RNF212: variants seen among roughly 807,000 people sequenced by gnomAD.
The protein encoded by RNF212 is probable E3 SUMO-protein ligase RNF212.
A neutral mutation model predicts 34.7 loss-of-function variants in RNF212; 33 were observed. That is an observed-to-expected ratio of 0.95 (90% confidence interval 0.72 to 1.27). The LOEUF is 1.27. Among genes scored for constraint, RNF212 ranks in the 50% most tolerant of loss-of-function variants. The pLI is 0.00. For synonymous variants in RNF212, 140 were observed against 136.1 expected (o/e 1.03, Z -0.20); for missense variants, 377 against 362.2 (o/e 1.04, Z -0.33).
chr4:1,108,344 T>A lies in RNF212; in HGVS notation c.170A>T (p.His57Leu), dbSNP rs374134594. 2.0e-4 allele frequency: 296 copies of A among 1,505,930 alleles called. No homozygotes were observed. The highest frequency in any genetic ancestry group is 2.4e-4 in the Non-Finnish European group (267 of 1,134,962). 93.3% of individuals were successfully genotyped at this position (1,505,930 alleles called of 1,614,324 possible). ...CAGATACGACACATTTCAACTTACATGCTTTGAAAGCAAAACTGTACGACA... is the reference window on the plus strand; with the variant it reads ...CAGATACGACACATTTCAACTTACAAGCTTTGAAAGCAAAACTGTACGACA... The part of the protein sequence containing the change: ...APCRTVLLSK[H>L]TDADIQAFFM... The change falls in exon 2 of 10, where the codon CAT becomes CTT. Residue 57 changes from histidine to leucine, a missense_variant and splice_region_variant. His to Leu is a moderately conservative substitution (Grantham distance 99). Coordinates refer to ENST00000433731, the MANE Select transcript of RNF212 (RefSeq NM_001131034.4).
intron 3 of RNF212, among the ~76,000 whole-genome samples, chr4:1,061,812 A>G (rs1359508057): frequency 6.6e-6 from 1 of 152,204 alleles, no homozygotes; most frequent in Non-Finnish European, 1.5e-5. Flanking sequence ...CCAATCAAAC[A>G]ACCTTGGATA....
intron 2 of RNF212, among the ~76,000 whole-genome samples, 173 bp from the exon 3 acceptor site, chr4:1,097,012 C>T (rs1361717661): frequency 1.3e-5 from 2 of 152,210 alleles, no homozygotes; most frequent in African/African-American, 4.8e-5. Flanking sequence ...AACAGGACAG[C>T]CCCTCGTCCT....
intron 3 of RNF212, chr4:1,093,347 A>G: frequency 8.9e-7 from 1 of 1,127,852 alleles, no homozygotes; most frequent in Non-Finnish European, 1.2e-6. Flanking sequence ...TAAAAATAAC[A>G]ATAAATCCAT....
intron 7 of RNF212, 49 bp from the exon 8 acceptor site, chr4:1,079,737 TAAC>T (rs779353807): frequency 1.8e-5 from 23 of 1,275,612 alleles, no homozygotes; most frequent in African/African-American, 1.6e-4. Context: ...GACTTACCTC[TAAC>T]AACGTCAGTT....
At chr4:1,064,361 A>C (rs768128142) in intron 3 of RNF212, among the ~76,000 whole-genome samples, 31 of 152,342 alleles carry the variant, frequency 2.0e-4, no homozygotes, top group Middle Eastern at 3.4e-3. Context: ...TCTCTAGAGG[A>C]ATCACTGAAA....
rs997898131 is a variant in RNF212, at chr4:1,085,962, T to C, written c.304-8A>G. Reference sequence around the variant, plus strand: ...TTCTTCCAACCTAGAAATCTAAACATAATTACACAACCTCTTGTTATCAGA... The same window carrying C: ...TTCTTCCAACCTAGAAATCTAAACACAATTACACAACCTCTTGTTATCAGA... On this transcript the variant is annotated splice_polypyrimidine_tract_variant and splice_region_variant and intron_variant, in intron 4 of 9. Transcript: ENST00000433731. 1 of 1,591,418 alleles carries C rather than the reference T, an allele frequency of 6.3e-7. No individual in the cohort carries two copies.
intron 3 of RNF212, among the ~76,000 whole-genome samples, chr4:1,059,219 G>A (rs1162611736): frequency 6.6e-6 from 1 of 152,220 alleles, no homozygotes; most frequent in African/African-American, 2.4e-5. Flanking sequence ...CCCGACAGGG[G>A]TCTTGTCTTT....
At chr4:1,110,319 G>A (rs951930780) in intron 1 of RNF212, among the ~76,000 whole-genome samples, 1 of 152,182 alleles carries the variant, frequency 6.6e-6, no homozygotes, top group Admixed American at 6.5e-5. Flanking sequence ...TCACTAGTAA[G>A]AGACACCAAA....
downstream of RNF212, among the ~76,000 whole-genome samples, chr4:1,067,854 C>T (rs58756267): frequency 3.3e-3 from 474 of 141,686 alleles, 2 homozygotes; most frequent in African/African-American, 0.011. Context: ...GGCGACACAG[C>T]GAGACTCTGT....
intron 3 of RNF212, among the ~76,000 whole-genome samples, chr4:1,062,127 C>G (rs1560089666): frequency 6.6e-6 from 1 of 152,202 alleles, no homozygotes; most frequent in African/African-American, 2.4e-5. Flanking sequence ...CTAACTCATT[C>G]TATGAGGACA....
In RNF212 at chr4:1,089,636, C is replaced by T. The variant is rs140161476; in HGVS notation, c.303+1146G>A. Among the ~76,000 whole-genome samples, 251 of 152,236 alleles carry T rather than the reference C, an allele frequency of 1.6e-3. 6 individuals carry two copies. In the South Asian group the frequency reaches 0.044, roughly 27 times the overall value. ...GGAATGATGTGGTTTGGCTCTGTGT[C>T]CCCACCCAAATCTCATTTTGAATTG... On this transcript the variant is annotated intron_variant, in intron 4 of 9. Coordinates refer to ENST00000433731, the MANE Select transcript of RNF212 (RefSeq NM_001131034.4).
intron 5 of RNF212, among the ~76,000 whole-genome samples, chr4:1,082,440 T>C (rs1010271222): frequency 2.6e-5 from 4 of 152,212 alleles, no homozygotes; most frequent in African/African-American, 7.2e-5. Context: ...GGTGGGGCTG[T>C]CTCCTGGCAC....
At chr4:1,078,148 G>T (rs1719642352) in intron 8 of RNF212, among the ~76,000 whole-genome samples, 2 of 152,194 alleles carry the variant, frequency 1.3e-5, no homozygotes, top group African/African-American at 4.8e-5. Context: ...AACAGTGCTT[G>T]CCAATGAGCC....
intron 2 of RNF212, chr4:1,101,238 C>A: frequency 3.1e-6 from 1 of 324,846 alleles, no homozygotes; most frequent in Non-Finnish European, 6.0e-6. Context: ...CACACCCCAT[C>A]TTCCTCTTCA....
At chr4:1,093,691 G>A in intron 3 of RNF212, 2 of 1,536,242 alleles carry the variant, frequency 1.3e-6, no homozygotes, top group African/African-American at 2.7e-5. Flanking sequence ...CGCACGGCCT[G>A]TGGCTCTGAT....
chr4:1,070,019 G>C (rs1427361484), downstream of RNF212, among the ~76,000 whole-genome samples: 1 of 151,366 alleles, frequency 6.6e-6, no homozygotes, highest in Non-Finnish European at 1.5e-5. Flanking sequence ...TGGACGCCTG[G>C]CCTGAGTTAC....
At chr4:1,078,966 T>A (rs868708018) in intron 8 of RNF212, among the ~76,000 whole-genome samples, 7 of 66,478 alleles carry the variant, frequency 1.1e-4, no homozygotes, top group Non-Finnish European at 1.4e-4. Flanking sequence ...AGGACCAACA[T>A]AGGACCAACA....
rs1177974887 is a variant in RNF212 at position 1,095,850 on chromosome 4, C to T, written c.246+915G>A. Among the ~76,000 whole-genome samples, 2 of 89,858 alleles carry T rather than the reference C, an allele frequency of 2.2e-5. 1 individual carries two copies. The highest frequency in any genetic ancestry group is 4.1e-5 in the Non-Finnish European group (2 of 49,214). 59.0% of individuals were successfully genotyped at this position (89,858 alleles called of 152,430 possible). On this transcript the variant is annotated intron_variant, in intron 3 of 9. Transcript: ENST00000433731. ...TCGGGATAGCGCACCTGGCTCATCACAGAACCAACCACACCCCCCACAGCT... is the reference window on the plus strand; with the variant it reads ...TCGGGATAGCGCACCTGGCTCATCATAGAACCAACCACACCCCCCACAGCT...
chr4:1,070,168 G>T (rs1285702970), downstream of RNF212, among the ~76,000 whole-genome samples: 1 of 151,304 alleles, frequency 6.6e-6, no homozygotes, highest in Non-Finnish European at 1.5e-5. Flanking sequence ...TGTCAGCGTG[G>T]ACGCCTGGCC....
Sources: gnomAD v4.1 joint callset for allele counts (sites outside exome capture counted in the v4.1 genomes callset) on GRCh38, gnomAD v4.1.1 for gene constraint, MANE v1.5 for transcripts, NCBI Gene and HGNC (gene_info 2026-07-23, HGNC 2026-07-21) for gene names.